EFNA5: variants seen among roughly 807,000 people sequenced by gnomAD.
EFNA5 encodes the protein ephrin A5, also known as ephrin-A5.
In EFNA5, 5 loss-of-function variants were observed where a neutral mutation model predicts 22.9. The observed-to-expected ratio is 0.22, with a 90% confidence interval of 0.11 to 0.46. The LOEUF (loss-of-function observed/expected upper bound fraction) is 0.46, where lower values mean the gene tolerates loss of function less well. Ranked by LOEUF, EFNA5 falls within the 20% of genes least tolerant of loss-of-function variation. The pLI is 0.99. For synonymous variants in EFNA5, 113 were observed against 112.2 expected (o/e 1.01, Z -0.04); for missense variants, 237 against 293.3 (o/e 0.81, Z 1.40).
In EFNA5 at chr5:107,520,682, C is replaced by T. The variant is rs1328901102; in HGVS notation, c.126-93173G>A. ...TTATGATTTTCTTCTGAAGAGGTTA[C>T]GAGAAGAGCTGGCCTTCAAACTATA... On this transcript the variant is annotated intron_variant, in intron 1 of 4. Coordinates refer to ENST00000333274, the MANE Select transcript of EFNA5 (RefSeq NM_001962.3). Among the ~76,000 whole-genome samples, 6 of 152,248 alleles carry T rather than the reference C, an allele frequency of 3.9e-5. 1 individual carries two copies. Among genetic ancestry groups the T allele is most frequent in the Admixed American group, 6.5e-5 (1 of 15,284 alleles).
intron 1 of EFNA5, among the ~76,000 whole-genome samples, chr5:107,553,757 G>C (rs936491958): frequency 6.6e-6 from 1 of 152,084 alleles, no homozygotes; most frequent in African/African-American, 2.4e-5. Flanking sequence ...TTCCTTTTAT[G>C]ATTTTCCTTC....
intron 2 of EFNA5, among the ~76,000 whole-genome samples, chr5:107,417,600 C>T (rs252983): frequency 0.77 from 116,834 of 152,046 alleles, 45,398 homozygotes; most frequent in Non-Finnish European, 0.81. Context: ...AAAGAGAAAA[C>T]AGAAAACTTG....
intron 1 of EFNA5, among the ~76,000 whole-genome samples, chr5:107,662,225 T>G (rs1750978474): frequency 1.3e-5 from 2 of 152,188 alleles, no homozygotes; most frequent in African/African-American, 4.8e-5. Context: ...CCGCGATACA[T>G]GTATCTGTTA....
chr5:107,446,759 T>TAA (rs1261960656), intron 1 of EFNA5, among the ~76,000 whole-genome samples: 1 of 123,162 alleles, frequency 8.1e-6, no homozygotes, highest in Admixed American at 8.0e-5. Context: ...AATAAAAAAC[T>TAA]TAAAAAAATA....
intron 1 of EFNA5, among the ~76,000 whole-genome samples, chr5:107,443,271 C>T (rs2112438185): frequency 6.6e-6 from 1 of 152,348 alleles, no homozygotes; most frequent in South Asian, 2.1e-4. Flanking sequence ...ATATACCCAG[C>T]TCCTTTTCCA....
intron 1 of EFNA5, among the ~76,000 whole-genome samples, chr5:107,430,995 C>T (rs1356262024): frequency 1.3e-5 from 2 of 152,038 alleles, no homozygotes; most frequent in Non-Finnish European, 2.9e-5. Flanking sequence ...AGAATGGTCT[C>T]AATCTCCTGA....
chr5:107,557,171 G>A (rs986579861), intron 1 of EFNA5, among the ~76,000 whole-genome samples: 1 of 152,162 alleles, frequency 6.6e-6, no homozygotes, highest in African/African-American at 2.4e-5. Flanking sequence ...ACAGGGCACA[G>A]ATCGTATCTG....
chr5:107,544,549 CT>C (rs1429404543), intron 1 of EFNA5, among the ~76,000 whole-genome samples: 2 of 152,148 alleles, frequency 1.3e-5, no homozygotes, highest in Non-Finnish European at 2.9e-5. Context: ...AAAAGTAGCA[CT>C]TGGAAAAAGC....
intron 3 of EFNA5, 105 bp from the exon 4 acceptor site, chr5:107,387,420 A>G (rs1747657366): frequency 1.4e-6 from 1 of 729,024 alleles, no homozygotes; most frequent in Non-Finnish European, 2.2e-6. Context: ...TTTTATGTAG[A>G]TTGTCTTACA....
intron 1 of EFNA5, among the ~76,000 whole-genome samples, chr5:107,473,443 T>C (rs1407485819): frequency 6.6e-6 from 1 of 151,970 alleles, no homozygotes; most frequent in Non-Finnish European, 1.5e-5. Context: ...AAGAGCCAGG[T>C]GTCTGCTCAC....
chr5:107,431,624 A>G (rs951201285), intron 1 of EFNA5, among the ~76,000 whole-genome samples: 1 of 152,196 alleles, frequency 6.6e-6, no homozygotes, highest in Non-Finnish European at 1.5e-5. Flanking sequence ...ACCCACTCTG[A>G]CCTCAGAACC....
At chr5:107,478,220 C>G (rs1422931197) in intron 1 of EFNA5, among the ~76,000 whole-genome samples, 1 of 152,126 alleles carries the variant, frequency 6.6e-6, no homozygotes, top group Non-Finnish European at 1.5e-5. Context: ...GGCACAGTGG[C>G]CAGACTTCTA....
At chr5:107,442,180 C>CTT (rs772932341) in intron 1 of EFNA5, among the ~76,000 whole-genome samples, 1 of 141,906 alleles carries the variant, frequency 7.0e-6, no homozygotes, top group Non-Finnish European at 1.6e-5. Context: ...AAGAGATGGC[C>CTT]TTTTTTTTTC....
intron 1 of EFNA5, among the ~76,000 whole-genome samples, chr5:107,445,533 T>C (rs1049827258): frequency 2.1e-4 from 32 of 152,118 alleles, no homozygotes; most frequent in African/African-American, 7.5e-4. Flanking sequence ...CTCAGAGACT[T>C]GACAATGGAG....
chr5:107,421,067 AT>A (rs1748645082), intron 2 of EFNA5, among the ~76,000 whole-genome samples: 1 of 152,216 alleles, frequency 6.6e-6, no homozygotes, highest in Admixed American at 6.5e-5. Flanking sequence ...GTATTGTACA[AT>A]CAAATGATTT....
At chr5:107,385,148 T>G (rs1195812851) in intron 4 of EFNA5, among the ~76,000 whole-genome samples, 1 of 152,178 alleles carries the variant, frequency 6.6e-6, no homozygotes, top group African/African-American at 2.4e-5. Flanking sequence ...GTCCATCAAT[T>G]TTGGGCCATT....
intron 1 of EFNA5, among the ~76,000 whole-genome samples, chr5:107,593,426 C>G (rs1384760328): frequency 6.6e-6 from 1 of 152,180 alleles, no homozygotes; most frequent in African/African-American, 2.4e-5. Flanking sequence ...AATGCCAAGA[C>G]TACGATAGGA....
At chr5:107,670,239 C>T (rs1233729673) in intron 1 of EFNA5, among the ~76,000 whole-genome samples, 1 of 152,038 alleles carries the variant, frequency 6.6e-6, no homozygotes, top group East Asian at 2.0e-4. Flanking sequence ...TCTCCCGGCG[C>T]CCCGCAGAAG....
At chr5:107,487,648 G>C (rs566375483) in intron 1 of EFNA5, among the ~76,000 whole-genome samples, 9 of 152,152 alleles carry the variant, frequency 5.9e-5, no homozygotes, top group Non-Finnish European at 1.3e-4. Context: ...AAGGTAATAG[G>C]GAATCATGAT....
Sources: allele counts gnomAD v4.1 joint callset (sites outside exome capture counted in the v4.1 genomes callset), GRCh38; gene constraint gnomAD v4.1.1; transcripts MANE v1.5; gene names NCBI Gene and HGNC (gene_info 2026-07-23, HGNC 2026-07-21).